The following LRRIQ3 variants were observed in gnomAD, a reference collection of about 807,000 sequenced individuals.
LRRIQ3 encodes leucine-rich repeat and IQ domain-containing protein 3.
A neutral mutation model predicts 59.3 loss-of-function variants in LRRIQ3; 75 were observed. The observed-to-expected ratio is 1.26, with a 90% confidence interval of 1.05 to 1.53. The LOEUF is 1.53. Among genes scored for constraint, LRRIQ3 ranks in the 40% most tolerant of loss-of-function variants. LRRIQ3 has a pLI of 0.00. For synonymous variants in LRRIQ3, 250 were observed against 231.3 expected (o/e 1.08, Z -0.73); for missense variants, 831 against 710.0 (o/e 1.17, Z -1.94).
At chr1:74,138,029 C>T (rs945401514) in intron 4 of LRRIQ3, among the ~76,000 whole-genome samples, 9 of 151,392 alleles carry the variant, frequency 5.9e-5, no homozygotes, top group Non-Finnish European at 1.0e-4. Context: ...CACCATGGCA[C>T]GTGTATACCT....
chr1:74,133,345 A>G (rs2100616766), intron 4 of LRRIQ3, among the ~76,000 whole-genome samples: 1 of 152,280 alleles, frequency 6.6e-6, no homozygotes, highest in Non-Finnish European at 1.5e-5. Flanking sequence ...CATTTGACCC[A>G]GCCATCCCAT....
intron 5 of LRRIQ3, among the ~76,000 whole-genome samples, chr1:74,075,236 G>C (rs1646191649): frequency 6.6e-6 from 1 of 152,070 alleles, no homozygotes; most frequent in Non-Finnish European, 1.5e-5. Flanking sequence ...AGGAAGAAAG[G>C]AAGGGAGAAA....
chr1:74,041,169 T>C (rs1209462434), intron 7 of LRRIQ3, 44 bp downstream of exon 7: 1 of 1,413,122 alleles, frequency 7.1e-7, no homozygotes, highest in Non-Finnish European at 9.6e-7. Flanking sequence ...AATATTCACA[T>C]GTAATTGACT....
intron 1 of LRRIQ3, among the ~76,000 whole-genome samples, chr1:74,187,743 T>C (rs1650498370): frequency 1.3e-5 from 2 of 151,554 alleles, no homozygotes; most frequent in Non-Finnish European, 1.5e-5. Flanking sequence ...GAAATAAAAA[T>C]TAAAAAACAA....
Position 74,182,828 on chromosome 1 carries a change from C to T in LRRIQ3, c.283G>A (p.Gly95Arg). Residue 95 changes from glycine to arginine, a missense_variant, in exon 3 of 8, where the codon GGA becomes AGA. By Grantham distance (125) the Gly-to-Arg change is moderately radical. Transcript: ENST00000354431. Reference protein sequence around the residue: ...KSLPNTKFWNGLKNLKLLYLH... With the variant: ...KSLPNTKFWNRLKNLKLLYLH... ...TAGAGTAGTTTTAGGTTCTTCAATC[C>T]ATTCCAAAATTTGGTATTTGGTAGA... 1 of 1,546,530 alleles carries T rather than the reference C, an allele frequency of 6.5e-7. No individual in the cohort carries two copies. The highest frequency in any genetic ancestry group is 1.4e-5 in the African/African-American group (1 of 73,020).
chr1:74,124,109 T>C (rs1460371012), intron 4 of LRRIQ3, among the ~76,000 whole-genome samples: 2 of 152,006 alleles, frequency 1.3e-5, no homozygotes, highest in African/African-American at 4.8e-5. Flanking sequence ...GTTTTTCTGA[T>C]GATAAATTAT....
chr1:74,174,414 C>T (rs953339226), intron 3 of LRRIQ3, among the ~76,000 whole-genome samples: 1 of 151,764 alleles, frequency 6.6e-6, no homozygotes, highest in African/African-American at 2.4e-5. Flanking sequence ...AGGAGTTTCA[C>T]TCTTGTTGCC....
chr1:74,106,130 A>G (rs1285290229), intron 5 of LRRIQ3, among the ~76,000 whole-genome samples: 1 of 152,034 alleles, frequency 6.6e-6, no homozygotes, highest in East Asian at 1.9e-4. Context: ...TTCATGCCTC[A>G]AGGAGAAAGG....
chr1:74,163,150 T>C, intron 3 of LRRIQ3, among the ~76,000 whole-genome samples: 1 of 151,622 alleles, frequency 6.6e-6, no homozygotes, highest in African/African-American at 2.4e-5. Context: ...AATCCAAATT[T>C]GGCACACATT....
At chr1:74,099,813 T>C (rs1646504556) in intron 5 of LRRIQ3, among the ~76,000 whole-genome samples, 1 of 152,146 alleles carries the variant, frequency 6.6e-6, no homozygotes, top group South Asian at 2.1e-4. Flanking sequence ...AACCACATGA[T>C]TATCTCAATA....
At chr1:74,130,190 T>G (rs557406778) in intron 4 of LRRIQ3, among the ~76,000 whole-genome samples, 1 of 152,174 alleles carries the variant, frequency 6.6e-6, no homozygotes, top group African/African-American at 2.4e-5. Context: ...GCAGACTTTG[T>G]GGTCTAGACT....
intron 5 of LRRIQ3, among the ~76,000 whole-genome samples, chr1:74,095,852 C>A (rs1239859032): frequency 6.6e-6 from 1 of 151,914 alleles, no homozygotes; most frequent in Non-Finnish European, 1.5e-5. Flanking sequence ...AAAATTATAT[C>A]TGATGGAGAT....
intron 4 of LRRIQ3, among the ~76,000 whole-genome samples, chr1:74,121,793 C>T (rs1302037765): frequency 7.5e-6 from 1 of 134,050 alleles, no homozygotes; most frequent in Non-Finnish European, 1.5e-5. Context: ...TCCATGTGTT[C>T]TCAGTGTTCA....
At chr1:74,170,244 C>A (rs1000442839) in intron 3 of LRRIQ3, among the ~76,000 whole-genome samples, 3 of 152,056 alleles carry the variant, frequency 2.0e-5, no homozygotes, top group Non-Finnish European at 4.4e-5. Flanking sequence ...ATTGGAGAAA[C>A]CATTGCCAAG....
chr1:74,129,971 C>A (rs368100798), intron 4 of LRRIQ3, among the ~76,000 whole-genome samples: 3 of 150,948 alleles, frequency 2.0e-5, no homozygotes, highest in African/African-American at 7.3e-5. Flanking sequence ...GCCCCCCCAC[C>A]AAAAAAAAGT....
At chr1:74,131,757 C>A (rs1003969739) in intron 4 of LRRIQ3, among the ~76,000 whole-genome samples, 1 of 152,046 alleles carries the variant, frequency 6.6e-6, no homozygotes, top group South Asian at 2.1e-4. Flanking sequence ...ATGACAAACC[C>A]ACAGCCAATA....
At chr1:74,153,678 T>C (rs1483783) in intron 4 of LRRIQ3, among the ~76,000 whole-genome samples, 46,151 of 152,078 alleles carry the variant, frequency 0.3, 7,768 homozygotes, top group Middle Eastern at 0.45. Flanking sequence ...TCTGGAGATA[T>C]AGGTAACTAT....
chr1:74,091,853 T>G (rs1368581305), intron 5 of LRRIQ3, among the ~76,000 whole-genome samples: 2 of 152,124 alleles, frequency 1.3e-5, no homozygotes, highest in African/African-American at 4.8e-5. Context: ...GCCAATTGCT[T>G]TCCATACCTA....
In LRRIQ3 at chr1:74,182,842, G is replaced by C. The variant is rs923620763; in HGVS notation, c.269C>G (p.Thr90Ser). The change falls in exon 3 of 8, where the codon ACC becomes AGC. Residue 90 changes from threonine (T) to serine (S), a missense_variant. By Grantham distance (58) the Thr-to-Ser change is moderately conservative. Coordinates refer to ENST00000354431, the MANE Select transcript of LRRIQ3 (RefSeq NM_001105659.2). ...GTTCTTCAATCCATTCCAAAATTTG[G>C]TATTTGGTAGACTCTTTATCTGAAA... ...HGNQIKSLPN[T>S]KFWNGLKNLK... 3 of 1,513,470 alleles carry C rather than the reference G, an allele frequency of 2.0e-6. No individual in the cohort carries two copies. Among genetic ancestry groups the C allele is most frequent in the Non-Finnish European group, 8.9e-7 (1 of 1,127,990 alleles). The allele number at this position is 1,513,470 out of a possible 1,614,324, so 93.8% of individuals were successfully genotyped here.
Sources: allele counts gnomAD v4.1 joint callset (sites outside exome capture counted in the v4.1 genomes callset), GRCh38; gene constraint gnomAD v4.1.1; transcripts MANE v1.5; gene names NCBI Gene and HGNC (gene_info 2026-07-23, HGNC 2026-07-21).